FBXW7: variants seen among roughly 807,000 people sequenced by gnomAD.
FBXW7 encodes the protein F-box/WD repeat-containing protein 7.
Under a neutral mutation model 86.3 loss-of-function variants are expected in FBXW7, and 11 were observed. The ratio of observed to expected loss-of-function variants is 0.13; its 90% CI spans 0.08 to 0.21. The LOEUF (loss-of-function observed/expected upper bound fraction) is 0.21. Ranked by LOEUF, FBXW7 falls within the 10% of genes least tolerant of loss-of-function variation. FBXW7 has a pLI of 1.00. For missense variants in FBXW7, 488 were observed against 847.4 expected, an observed-to-expected ratio of 0.58 and a Z score of 5.27; for synonymous variants, 313 against 297.9, an observed-to-expected ratio of 1.05 and a Z score of -0.52.
intron 4 of FBXW7, among the ~76,000 whole-genome samples, chr4:152,362,481 A>G (rs1733057873): frequency 6.6e-6 from 1 of 152,110 alleles, no homozygotes. Flanking sequence ...CCTTTCCTTT[A>G]AAGTCATTCC....
chr4:152,380,566 C>G (rs1049945052), intron 4 of FBXW7, among the ~76,000 whole-genome samples: 2 of 151,694 alleles, frequency 1.3e-5, no homozygotes, highest in Non-Finnish European at 2.9e-5. Flanking sequence ...CTAGAAAAGT[C>G]AAATTAAATA....
At chr4:152,416,619 A>G (rs1738454351) in intron 2 of FBXW7, among the ~76,000 whole-genome samples, 1 of 152,198 alleles carries the variant, frequency 6.6e-6, no homozygotes, top group African/African-American at 2.4e-5. Context: ...AAAGCTCCTT[A>G]GTAATGTACA....
intron 2 of FBXW7, among the ~76,000 whole-genome samples, chr4:152,449,492 TAAAC>T: frequency 6.6e-6 from 1 of 152,248 alleles, no homozygotes; most frequent in East Asian, 1.9e-4. Flanking sequence ...AATGATGTAA[TAAAC>T]AAGCTGGATA....
intron 4 of FBXW7, among the ~76,000 whole-genome samples, chr4:152,396,046 A>G (rs1736392477): frequency 6.6e-6 from 1 of 152,028 alleles, no homozygotes; most frequent in African/African-American, 2.4e-5. Flanking sequence ...TATTTAGTCC[A>G]TTTCATTCAT....
intron 2 of FBXW7, among the ~76,000 whole-genome samples, chr4:152,424,370 T>C (rs919789354): frequency 1.3e-5 from 2 of 152,292 alleles, no homozygotes; most frequent in African/African-American, 2.4e-5. Context: ...ATTTAATAAA[T>C]AAAATGGTTC....
intron 2 of FBXW7, among the ~76,000 whole-genome samples, chr4:152,478,300 G>T (rs1390557601): frequency 1.3e-5 from 2 of 151,938 alleles, no homozygotes; most frequent in Non-Finnish European, 2.9e-5. Flanking sequence ...CCAGCTTGGG[G>T]TATCTCATCT....
In FBXW7 at chr4:152,368,354, TA is replaced by T. The variant is rs1255445583; in HGVS notation, c.502-18231del. Among the ~76,000 whole-genome samples, 13 of 151,882 alleles carry T rather than the reference TA, an allele frequency of 8.6e-5. No individual in the cohort carries two copies. The East Asian group carries it at 2.5e-3, about 29-fold the overall frequency. ...TAGCTGATAAGCTATTAAATAGAGG[TA>T]GGGGGTGGTTAGAATTTTACTTCTA... On this transcript the variant is annotated intron_variant, in intron 4 of 13. Coordinates refer to ENST00000281708, the MANE Select transcript of FBXW7 (RefSeq NM_001349798.2).
chr4:152,379,557 C>A (rs903939028), intron 4 of FBXW7, among the ~76,000 whole-genome samples: 1 of 152,028 alleles, frequency 6.6e-6, no homozygotes, highest in East Asian at 1.9e-4. Context: ...CTCACTCTGT[C>A]ACCCAAGCTG....
At chr4:152,370,151 T>C in intron 4 of FBXW7, among the ~76,000 whole-genome samples, 1 of 151,996 alleles carries the variant, frequency 6.6e-6, no homozygotes, top group Non-Finnish European at 1.5e-5. Flanking sequence ...TTTCTATGGA[T>C]TATTGAAAAG....
chr4:152,464,318 G>T (rs966465546), intron 2 of FBXW7, among the ~76,000 whole-genome samples: 1 of 151,978 alleles, frequency 6.6e-6, no homozygotes, highest in Non-Finnish European at 1.5e-5. Flanking sequence ...AGCATTAAGA[G>T]GAAGAAAAAT....
At chr4:152,415,414 T>C (rs1478953005) in intron 2 of FBXW7, among the ~76,000 whole-genome samples, 1 of 152,106 alleles carries the variant, frequency 6.6e-6, no homozygotes, top group Non-Finnish European at 1.5e-5. Flanking sequence ...GTAAACCAAC[T>C]GTACTGATCA....
At chr4:152,380,216 G>T (rs553968163) in intron 4 of FBXW7, among the ~76,000 whole-genome samples, 1 of 151,922 alleles carries the variant, frequency 6.6e-6, no homozygotes, top group African/African-American at 2.4e-5. Flanking sequence ...CATACAATAC[G>T]TCAGGTACAA....
At chr4:152,353,493 T>C (rs970083000) in intron 4 of FBXW7, among the ~76,000 whole-genome samples, 1 of 152,160 alleles carries the variant, frequency 6.6e-6, no homozygotes, top group African/African-American at 2.4e-5. Context: ...TTACTAATCA[T>C]AAGAATATCT....
intron 2 of FBXW7, among the ~76,000 whole-genome samples, chr4:152,452,115 C>T (rs1038752467): frequency 1.3e-5 from 2 of 152,156 alleles, no homozygotes; most frequent in African/African-American, 4.8e-5. Flanking sequence ...AACTGTCTTC[C>T]TGTAAGCCAG....
chr4:152,516,468 C>T (rs1748507171), intron 2 of FBXW7, among the ~76,000 whole-genome samples: 1 of 152,180 alleles, frequency 6.6e-6, no homozygotes, highest in African/African-American at 2.4e-5. Context: ...CCCGCATCCA[C>T]GGAAAAACTG....
chr4:152,359,149 G>C (rs529942055), intron 4 of FBXW7, among the ~76,000 whole-genome samples: 12 of 152,156 alleles, frequency 7.9e-5, no homozygotes, highest in African/African-American at 2.9e-4. Flanking sequence ...GGTGATGGGG[G>C]AAAGGTGACA....
At chr4:152,324,694 A>G (rs1013032704) in intron 12 of FBXW7, 3 of 314,998 alleles carry the variant, frequency 9.5e-6, no homozygotes, top group Admixed American at 4.7e-5. Flanking sequence ...GTTAATTTTC[A>G]AATCATCTGG....
At chr4:152,417,276 G>C (rs1738521308) in intron 2 of FBXW7, among the ~76,000 whole-genome samples, 1 of 152,046 alleles carries the variant, frequency 6.6e-6, no homozygotes, top group African/African-American at 2.4e-5. Flanking sequence ...CATACGTAAG[G>C]CCCAAATTTG....
At chr4:152,427,460 C>T (rs554298499) in intron 2 of FBXW7, among the ~76,000 whole-genome samples, 1 of 152,268 alleles carries the variant, frequency 6.6e-6, no homozygotes, top group South Asian at 2.1e-4. Context: ...ATTAAGATAA[C>T]CTGGGAGTGT....
Sources: allele counts gnomAD v4.1 joint callset (sites outside exome capture counted in the v4.1 genomes callset), GRCh38; gene constraint gnomAD v4.1.1; transcripts MANE v1.5; gene names NCBI Gene and HGNC (gene_info 2026-07-23, HGNC 2026-07-21).